Variants in TLK2 observed in about 807,000 individuals in gnomAD.
TLK2 encodes the protein tousled like kinase 2, also known as serine/threonine-protein kinase tousled-like 2.
A neutral mutation model predicts 117.3 loss-of-function variants in TLK2; 6 were observed. The ratio of observed to expected loss-of-function variants is 0.05; its 90% CI spans 0.03 to 0.10. TLK2 has a LOEUF of 0.10. TLK2 is among the 10% of genes least tolerant of loss of function. TLK2 has a pLI of 1.00. For synonymous variants in TLK2, 257 were observed against 316.7 expected (o/e 0.81, Z 2.00); for missense variants, 299 against 901.2 (o/e 0.33, Z 8.56).
intron 1 of TLK2, among the ~76,000 whole-genome samples, chr17:62,480,659 C>T (rs1165553785): frequency 1.3e-5 from 2 of 152,086 alleles, no homozygotes; most frequent in Non-Finnish European, 1.5e-5. Flanking sequence ...TCTGATTCAT[C>T]CTATATTCTT....
chr17:62,588,372 T>C (rs1039011312), intron 16 of TLK2, among the ~76,000 whole-genome samples: 2 of 152,180 alleles, frequency 1.3e-5, no homozygotes, highest in Non-Finnish European at 2.9e-5. Context: ...TGGCAAGCAC[T>C]CTGAGGCCTG....
At chr17:62,602,273 G>T in intron 19 of TLK2, 93 bp downstream of exon 19, 2 of 1,359,506 alleles carry the variant, frequency 1.5e-6, no homozygotes, top group Non-Finnish European at 2.0e-6. Flanking sequence ...TATGCTATCT[G>T]CTAGGCAAAA....
intron 16 of TLK2, among the ~76,000 whole-genome samples, chr17:62,594,323 G>A (rs184375693): frequency 2.0e-5 from 3 of 152,072 alleles, no homozygotes; most frequent in African/African-American, 7.2e-5. Flanking sequence ...CAGGAGAATC[G>A]CTTGAACCTG....
In TLK2 at chr17:62,613,492, TC is replaced by T. The variant is rs1296490543; in HGVS notation, c.*929del. The T allele has an allele frequency of 2.0e-5, 3 of 152,618 alleles. No homozygotes were observed. The highest frequency in any genetic ancestry group is 4.4e-5 in the Non-Finnish European group (3 of 68,034). The allele number at this position is 152,618 out of a possible 1,614,324, so 9.5% of individuals were successfully genotyped here. A position where few individuals can be genotyped will look rare whatever the true frequency, so the allele number is the denominator to read the frequency against. ...AATAAAGGTTCATCTGTCCATGCAGTCCTCTTGGATTCTCTGAATGTAGTAA... is the reference window on the plus strand; with the variant it reads ...AATAAAGGTTCATCTGTCCATGCAGTCTCTTGGATTCTCTGAATGTAGTAA... On this transcript the variant is annotated 3_prime_UTR_variant, in exon 22 of 22. Coordinates refer to ENST00000346027, the MANE Select transcript of TLK2 (RefSeq NM_006852.6).
chr17:62,563,273 A>T (rs975995129), intron 10 of TLK2, among the ~76,000 whole-genome samples: 5 of 152,168 alleles, frequency 3.3e-5, no homozygotes, highest in Admixed American at 6.6e-5. Context: ...TGAGCAGTGC[A>T]CATATTAAGA....
chr17:62,606,440 C>T (rs1248832640), intron 20 of TLK2, among the ~76,000 whole-genome samples, 199 bp downstream of exon 20: 3 of 152,132 alleles, frequency 2.0e-5, no homozygotes, highest in African/African-American at 7.2e-5. Context: ...CCCTAGGGCA[C>T]CTAATGAGTT....
At chr17:62,575,313 C>G (rs2080697017) in intron 12 of TLK2, among the ~76,000 whole-genome samples, 1 of 152,198 alleles carries the variant, frequency 6.6e-6, no homozygotes, top group African/African-American at 2.4e-5. Context: ...CCATATTATC[C>G]TTTCTTGGCC....
chr17:62,519,783 A>G (rs1375898871), intron 2 of TLK2, among the ~76,000 whole-genome samples: 1 of 152,090 alleles, frequency 6.6e-6, no homozygotes, highest in East Asian at 1.9e-4. Flanking sequence ...GTATTCTACA[A>G]CCTTGCTGAA....
intron 2 of TLK2, among the ~76,000 whole-genome samples, chr17:62,488,809 G>C (rs1481122008): frequency 1.3e-5 from 2 of 150,314 alleles, no homozygotes; most frequent in African/African-American, 4.9e-5. Flanking sequence ...GTCAGTACGA[G>C]GGCCTTGAAG....
chr17:62,607,697 C>T (rs564470554), intron 20 of TLK2, among the ~76,000 whole-genome samples: 5 of 151,984 alleles, frequency 3.3e-5, no homozygotes, highest in Admixed American at 1.3e-4. Flanking sequence ...TTCTTAGGGC[C>T]GCATGTATCC....
chr17:62,599,135 CAG>C (rs1215125129), intron 17 of TLK2, among the ~76,000 whole-genome samples: 1 of 152,138 alleles, frequency 6.6e-6, no homozygotes, highest in Admixed American at 6.6e-5. Context: ...TTAGTAGAGA[CAG>C]AGTTTCACTA....
chr17:62,567,610 G>A (rs1031006995), intron 11 of TLK2, among the ~76,000 whole-genome samples: 17 of 152,244 alleles, frequency 1.1e-4, no homozygotes, highest in Middle Eastern at 3.4e-3. Context: ...TTCTCTAGTT[G>A]TAAAAGGCTA....
intron 2 of TLK2, 29 bp downstream of exon 2, chr17:62,481,235 T>C (rs370542297): frequency 1.8e-5 from 29 of 1,611,028 alleles, no homozygotes; most frequent in Non-Finnish European, 2.4e-5. Context: ...ATGAACACTA[T>C]TCATATTCTA....
At chr17:62,480,008 TTC>T (rs1167368707) in intron 1 of TLK2, among the ~76,000 whole-genome samples, 2 of 152,252 alleles carry the variant, frequency 1.3e-5, no homozygotes, top group South Asian at 2.1e-4. Context: ...AATTTCCTAA[TTC>T]TCTCTCTAAC....
In TLK2 at chr17:62,522,189, T is replaced by A. The variant is rs200607902; in HGVS notation, c.154-15T>A. The A allele has an allele frequency of 3.1e-6, 5 of 1,610,808 alleles. No homozygotes were observed. In the South Asian group the frequency reaches 5.5e-5, roughly 18 times the overall value. The stretch of plus-strand genomic sequence containing the variant: ...TTACCAAAATGCTAATTGTGACTTA[T>A]ATGGTATTTGACAGACTCCCGAGAA... On this transcript the variant is annotated splice_polypyrimidine_tract_variant and intron_variant, in intron 3 of 21. Coordinates refer to ENST00000346027, the MANE Select transcript of TLK2 (RefSeq NM_006852.6).
rs148890036 is a variant in TLK2 at position 62,495,476 on chromosome 17, G to A, written c.81+14270G>A. ...GTCACCCAGGCTGGAGTGCAGTGGC[G>A]CAGTCTTGGTTCACTGCAAACTCTG... On this transcript the variant is annotated intron_variant, in intron 2 of 21. Transcript: ENST00000346027. Among the ~76,000 whole-genome samples the A allele has an allele frequency of 6.0e-3, 893 of 148,416 alleles. 7 individuals carry two copies. The highest frequency in any genetic ancestry group is 0.02 in the African/African-American group (810 of 40,394).
chr17:62,562,686 C>G (rs552393380), intron 10 of TLK2, among the ~76,000 whole-genome samples: 2 of 152,222 alleles, frequency 1.3e-5, no homozygotes, highest in East Asian at 3.9e-4. Context: ...TGAGGGGCAG[C>G]CTGATTTGTT....
At chr17:62,562,073 A>T (rs1302022917) in intron 10 of TLK2, among the ~76,000 whole-genome samples, 1 of 152,224 alleles carries the variant, frequency 6.6e-6, no homozygotes, top group African/African-American at 2.4e-5. Flanking sequence ...AAAGCAGCAT[A>T]AATGGACTGG....
intron 18 of TLK2, among the ~76,000 whole-genome samples, chr17:62,601,470 T>G (rs1313797080): frequency 6.6e-6 from 1 of 152,242 alleles, no homozygotes. Flanking sequence ...AGGTGCATAT[T>G]GCGTCTCATT....
Sources: allele counts gnomAD v4.1 joint callset (sites outside exome capture counted in the v4.1 genomes callset), GRCh38; gene constraint gnomAD v4.1.1; transcripts MANE v1.5; gene names NCBI Gene and HGNC (gene_info 2026-07-23, HGNC 2026-07-21).